The following EPHA6 variants were observed in gnomAD, a reference collection of about 807,000 sequenced individuals.
The protein encoded by EPHA6 is EPH receptor A6, also known as ephrin type-A receptor 6.
EPHA6 carries 50 observed loss-of-function variants against 112.0 expected under a neutral mutation model. The ratio of observed to expected loss-of-function variants is 0.45; its 90% CI spans 0.36 to 0.56. EPHA6 has a LOEUF of 0.56. Ranked by LOEUF, EPHA6 falls within the 20% of genes least tolerant of loss-of-function variation. EPHA6 has a pLI of 0.00. For synonymous variants in EPHA6, 529 were observed against 490.7 expected (o/e 1.08, Z -1.03); for missense variants, 1,280 against 1,417.4 (o/e 0.90, Z 1.56).
chr3:97,608,921 C>G (rs1311598016), intron 12 of EPHA6, among the ~76,000 whole-genome samples: 1 of 151,352 alleles, frequency 6.6e-6, no homozygotes, highest in Non-Finnish European at 1.5e-5. Flanking sequence ...GATACTGCCA[C>G]TTACCAGCTA....
intron 2 of EPHA6, among the ~76,000 whole-genome samples, chr3:96,951,793 A>G (rs2107722313): frequency 6.6e-6 from 1 of 152,296 alleles, no homozygotes; most frequent in African/African-American, 2.4e-5. Context: ...TTATAAAACC[A>G]GAGGACAATA....
intron 12 of EPHA6, among the ~76,000 whole-genome samples, chr3:97,601,810 C>T (rs1241269953): frequency 2.0e-5 from 3 of 151,920 alleles, no homozygotes; most frequent in Non-Finnish European, 4.4e-5. Flanking sequence ...TGTAAATTAC[C>T]TACGTAGTTA....
At chr3:97,487,813 A>G (rs2091733347) in intron 10 of EPHA6, among the ~76,000 whole-genome samples, 1 of 152,186 alleles carries the variant, frequency 6.6e-6, no homozygotes, top group African/African-American at 2.4e-5. Context: ...GAGACTATCA[A>G]GATCATCTAT....
chr3:97,102,736 A>G (rs2047441458), intron 3 of EPHA6, among the ~76,000 whole-genome samples: 1 of 152,020 alleles, frequency 6.6e-6, no homozygotes, highest in Non-Finnish European at 1.5e-5. Context: ...TTACACCCCC[A>G]CCAGCAAAGT....
chr3:97,275,031 C>T (rs1281166478), intron 5 of EPHA6, among the ~76,000 whole-genome samples: 1 of 152,078 alleles, frequency 6.6e-6, no homozygotes, highest in Non-Finnish European at 1.5e-5. Flanking sequence ...ATTTTTAGGG[C>T]CTCTAAAAGT....
chr3:97,480,879 G>T (rs1253406412), intron 9 of EPHA6, among the ~76,000 whole-genome samples: 1 of 152,200 alleles, frequency 6.6e-6, no homozygotes, highest in East Asian at 1.9e-4. Flanking sequence ...TCCCAGACGG[G>T]GTGGCAGAGC....
At chr3:96,997,346 G>A (rs2043459857) in intron 3 of EPHA6, among the ~76,000 whole-genome samples, 1 of 151,860 alleles carries the variant, frequency 6.6e-6, no homozygotes, top group South Asian at 2.1e-4. Flanking sequence ...GCTAACTCTG[G>A]GGCAAGAAGC....
In EPHA6 at chr3:97,071,831, T is replaced by C. The variant is rs76925349; in HGVS notation, c.1114+83838T>C. ...TTTGGTGCACCGATCACCCGAGCTC[T>C]ATACCCTGTACCCAATTTTAGTCTT... is the stretch of plus-strand genomic sequence containing the variant. On this transcript the variant is annotated intron_variant, in intron 3 of 17. Transcript: ENST00000389672. Among the ~76,000 whole-genome samples, 775 of 152,168 alleles carry C rather than the reference T, an allele frequency of 5.1e-3. 9 individuals are homozygous for C. The highest frequency in any genetic ancestry group is 0.017 in the Middle Eastern group (5 of 294).
At chr3:97,235,201 C>T (rs983516367) in intron 4 of EPHA6, among the ~76,000 whole-genome samples, 1 of 152,028 alleles carries the variant, frequency 6.6e-6, no homozygotes, top group Non-Finnish European at 1.5e-5. Context: ...TATTTATATA[C>T]TTGCTTCCTC....
At chr3:96,832,321 A>G (rs2034136607) in intron 1 of EPHA6, among the ~76,000 whole-genome samples, 2 of 152,108 alleles carry the variant, frequency 1.3e-5, no homozygotes, top group Admixed American at 1.3e-4. Flanking sequence ...TACCATCGAT[A>G]GAATATTAAC....
intron 6 of EPHA6, among the ~76,000 whole-genome samples, chr3:97,435,629 A>C (rs2089785120): frequency 1.3e-5 from 2 of 152,152 alleles, no homozygotes; most frequent in Non-Finnish European, 2.9e-5. Flanking sequence ...CAGACCCCTA[A>C]ATACATAGTC....
At chr3:97,651,580 A>T (rs1260600118) in intron 14 of EPHA6, among the ~76,000 whole-genome samples, 1 of 152,060 alleles carries the variant, frequency 6.6e-6, no homozygotes, top group Non-Finnish European at 1.5e-5. Flanking sequence ...AGTTCTCAAG[A>T]TATTTTCCGT....
At chr3:97,528,758 A>C (rs2092659473) in intron 10 of EPHA6, among the ~76,000 whole-genome samples, 1 of 152,128 alleles carries the variant, frequency 6.6e-6, no homozygotes, top group Admixed American at 6.6e-5. Flanking sequence ...TTATATGAAA[A>C]TCCCAATACT....
chr3:97,060,950 A>AAAAAAAG (rs2046002254), intron 3 of EPHA6, among the ~76,000 whole-genome samples: 1 of 148,886 alleles, frequency 6.7e-6, no homozygotes, highest in Non-Finnish European at 1.5e-5. Context: ...AAAAAAAAAA[A>AAAAAAAG]GTCAGCTAAC....
At chr3:97,184,815 T>C (rs2077080564) in intron 3 of EPHA6, among the ~76,000 whole-genome samples, 1 of 152,162 alleles carries the variant, frequency 6.6e-6, no homozygotes, top group African/African-American at 2.4e-5. Context: ...CTTCAAACTA[T>C]ACTTCAAGGC....
At chr3:97,403,162 T>TTA (rs1252757758) in intron 5 of EPHA6, among the ~76,000 whole-genome samples, 1 of 152,000 alleles carries the variant, frequency 6.6e-6, no homozygotes, top group East Asian at 1.9e-4. Flanking sequence ...CTTCATAACT[T>TTA]TATATATATA....
At chr3:97,487,022 T>C (rs951763410) in intron 10 of EPHA6, among the ~76,000 whole-genome samples, 2 of 152,216 alleles carry the variant, frequency 1.3e-5, no homozygotes, top group African/African-American at 4.8e-5. Context: ...GAAATGTAAA[T>C]TAAGTGACTT....
rs965693542 is a variant in EPHA6 at position 97,558,845 on chromosome 3, A to G, written c.2386+26302A>G. On this transcript the variant is annotated intron_variant, in intron 11 of 17. Coordinates refer to ENST00000389672, the MANE Select transcript of EPHA6 (RefSeq NM_001080448.3). ...GAGTTAGAACATGAATGTCTTTGTTATATTGAACATTTCTACACATACTAA... is the reference window on the plus strand; with the variant it reads ...GAGTTAGAACATGAATGTCTTTGTTGTATTGAACATTTCTACACATACTAA... Among the ~76,000 whole-genome samples, 3 of 152,108 alleles carry G rather than the reference A, an allele frequency of 2.0e-5. No individual in the cohort carries two copies. The East Asian group carries it at 5.8e-4, about 29-fold the overall frequency.
chr3:97,484,187 G>C, intron 10 of EPHA6, 128 bp downstream of exon 10: 1 of 729,692 alleles, frequency 1.4e-6, no homozygotes, highest in East Asian at 3.2e-5. Flanking sequence ...GAAGTAAAGT[G>C]ATCTTGTATA....
Sources: gnomAD v4.1 joint callset for allele counts (sites outside exome capture counted in the v4.1 genomes callset) on GRCh38, gnomAD v4.1.1 for gene constraint, MANE v1.5 for transcripts, NCBI Gene and HGNC (gene_info 2026-07-23, HGNC 2026-07-21) for gene names.